The following ADAM22 variants were observed in gnomAD, a reference collection of about 807,000 sequenced individuals.
ADAM22 encodes the protein disintegrin and metalloproteinase domain-containing protein 22.
ADAM22 carries 65 observed loss-of-function variants against 144.6 expected under a neutral mutation model. That is an observed-to-expected ratio of 0.45 (90% CI 0.37 to 0.55). The LOEUF (loss-of-function observed/expected upper bound fraction) is 0.55. Ranked by LOEUF, ADAM22 falls within the 20% of genes least tolerant of loss-of-function variation. The pLI, the probability that ADAM22 is intolerant of heterozygous loss-of-function variation, is 0.00. For synonymous variants in ADAM22, 391 were observed against 412.6 expected (o/e 0.95, Z 0.63); for missense variants, 974 against 1,184.9 (o/e 0.82, Z 2.61).
intron 3 of ADAM22, among the ~76,000 whole-genome samples, chr7:88,069,511 G>A (rs1002446593): frequency 1.3e-5 from 2 of 152,106 alleles, no homozygotes; most frequent in South Asian, 2.1e-4. Flanking sequence ...TTTCCACTTC[G>A]CCATTAGAAG....
At position 88,145,439 on chromosome 7, in the gene ADAM22, T is replaced by G; in HGVS notation, c.1417T>G (p.Cys473Gly). ...GGAATGTGTCCTTGAAGGAGCAGAGTGTTGTAAGAAATGCACCTTGACTCA... is the reference window on the plus strand; with the variant it reads ...GGAATGTGTCCTTGAAGGAGCAGAGGGTTGTAAGAAATGCACCTTGACTCA... The part of the protein sequence containing the change: ...PAECVLEGAE[C>G]CKKCTLTQDS... Residue 473 changes from cysteine (C) to glycine (G), a missense_variant, in exon 17 of 32, where the codon TGT (cysteine) becomes GGT (glycine). Around this residue, in one of 2 missense-constraint regions of ADAM22, gnomAD observed 734 missense variants for 950.6 expected, o/e 0.77. Coordinates refer to ENST00000413139, the MANE Select transcript of ADAM22 (RefSeq NM_001324418.2). The G allele has an allele frequency of 6.2e-7, 1 of 1,613,530 alleles. No homozygotes were observed. The highest frequency in any genetic ancestry group is 1.3e-5 in the African/African-American group (1 of 74,966).
chr7:88,050,643 T>C (rs539125898), intron 3 of ADAM22, among the ~76,000 whole-genome samples: 1 of 152,230 alleles, frequency 6.6e-6, no homozygotes, highest in Non-Finnish European at 1.5e-5. Flanking sequence ...GTCTGTTGGC[T>C]GCATAAATGT....
Position 88,195,812 on chromosome 7 carries a change from C to T in ADAM22, c.2875-659C>T, listed in dbSNP as rs370014786. 3.1e-4 allele frequency among the ~76,000 whole-genome samples: 47 copies of T among 152,254 alleles called. No homozygotes were observed. In the East Asian group the frequency reaches 6.6e-3, roughly 21 times the overall value. On this transcript the variant is annotated intron_variant, in intron 31 of 31. Transcript: ENST00000413139. ...GATTACAGGCGTGAGCCACCACGCC[C>T]GGCTGAGAGAACTATTTTTTAAGGA...
intron 4 of ADAM22, among the ~76,000 whole-genome samples, chr7:88,089,361 T>G (rs1244050716): frequency 1.3e-5 from 2 of 152,206 alleles, no homozygotes; most frequent in African/African-American, 2.4e-5. Flanking sequence ...ATGATGAATC[T>G]TCTGAAGTAG....
chr7:88,060,562 A>G (rs1201699722), intron 3 of ADAM22, among the ~76,000 whole-genome samples: 1 of 148,702 alleles, frequency 6.7e-6, no homozygotes, highest in Non-Finnish European at 1.5e-5. Context: ...CGAGGTTAGG[A>G]GATCGAAACC....
At chr7:88,027,243 G>A (rs1410437757) in intron 3 of ADAM22, among the ~76,000 whole-genome samples, 1 of 152,080 alleles carries the variant, frequency 6.6e-6, no homozygotes, top group Non-Finnish European at 1.5e-5. Context: ...TACTGGCTTT[G>A]TAGAATGAGT....
At position 88,197,295 on chromosome 7, in the gene ADAM22, G is replaced by T. The variant is rs1367093486; in HGVS notation, c.*804G>T. The T allele has an allele frequency of 6.6e-6, 1 of 152,186 alleles. No individual in the cohort carries two copies. Among genetic ancestry groups the T allele is most frequent in the Admixed American group, 6.5e-5 (1 of 15,278 alleles). The allele number at this position is 152,186 out of a possible 1,614,324, so 9.4% of individuals were successfully genotyped here. ...ATGTGTCTCTCCATAATTCGTATTT[G>T]TCCAAAACATGTGATATCCCTTTAA... is the stretch of plus-strand genomic sequence containing the variant. On this transcript the variant is annotated 3_prime_UTR_variant, in exon 32 of 32. Coordinates refer to ENST00000413139, the MANE Select transcript of ADAM22 (RefSeq NM_001324418.2).
chr7:87,952,673 G>C (rs1260748307), intron 2 of ADAM22, among the ~76,000 whole-genome samples: 1 of 152,038 alleles, frequency 6.6e-6, no homozygotes, highest in African/African-American at 2.4e-5. Context: ...AGTTAGGGAG[G>C]ATTCCCTCTT....
intron 26 of ADAM22, among the ~76,000 whole-genome samples, chr7:88,173,518 CT>C: frequency 6.6e-6 from 1 of 152,040 alleles, no homozygotes; most frequent in South Asian, 2.1e-4. Context: ...AATGAGTTTC[CT>C]TTTTGAGAAT....
chr7:87,952,721 C>T (rs1195259181), intron 2 of ADAM22, among the ~76,000 whole-genome samples: 5 of 152,062 alleles, frequency 3.3e-5, no homozygotes, highest in African/African-American at 1.2e-4. Flanking sequence ...GGAATGGTAC[C>T]AGTTCCTCCT....
At chr7:88,148,928 A>ATTTTTTTTTTTTT in intron 17 of ADAM22, 49 bp from the exon 18 acceptor site, 1 of 1,382,524 alleles carries the variant, frequency 7.2e-7, no homozygotes. Context: ...ATATTGTAAG[A>ATTTTTTTTTTTTT]TTTTTTTTTC....
chr7:87,997,622 C>T (rs1017045001), intron 3 of ADAM22, among the ~76,000 whole-genome samples: 1 of 152,248 alleles, frequency 6.6e-6, no homozygotes, highest in Non-Finnish European at 1.5e-5. Context: ...TTGTTGCAGG[C>T]GCTGCCTGCA....
At chr7:88,085,890 T>C (rs992053523) in intron 4 of ADAM22, among the ~76,000 whole-genome samples, 1 of 152,152 alleles carries the variant, frequency 6.6e-6, no homozygotes, top group Non-Finnish European at 1.5e-5. Flanking sequence ...TTAAAAATAA[T>C]TTTTGCCTGG....
chr7:88,184,390 G>T (rs1312686322), intron 29 of ADAM22: 3 of 430,428 alleles, frequency 7.0e-6, no homozygotes, highest in South Asian at 4.9e-5. Context: ...CAGACAGGGA[G>T]TCTGGATCAC....
At chr7:87,980,406 G>GT (rs1397089734) in intron 3 of ADAM22, among the ~76,000 whole-genome samples, 1 of 148,878 alleles carries the variant, frequency 6.7e-6, no homozygotes, top group Non-Finnish European at 1.5e-5. Flanking sequence ...GTAGAATTTT[G>GT]TTTTTCGTGG....
chr7:87,938,363 C>T (rs1238874803), intron 2 of ADAM22, among the ~76,000 whole-genome samples: 1 of 151,778 alleles, frequency 6.6e-6, no homozygotes, highest in African/African-American at 2.4e-5. Flanking sequence ...GGATTACAGG[C>T]ACCCACCACC....
chr7:88,027,263 T>C (rs1468008915), intron 3 of ADAM22, among the ~76,000 whole-genome samples: 1 of 152,328 alleles, frequency 6.6e-6, no homozygotes, highest in East Asian at 1.9e-4. Flanking sequence ...TTTGGAAGCA[T>C]TCCCTCCTCC....
intron 5 of ADAM22, among the ~76,000 whole-genome samples, chr7:88,109,156 T>A (rs1189615852): frequency 6.6e-6 from 1 of 152,130 alleles, no homozygotes; most frequent in African/African-American, 2.4e-5. Context: ...CTTTGCCCCT[T>A]TTTTTCAGCC....
intron 3 of ADAM22, among the ~76,000 whole-genome samples, chr7:87,985,256 T>A (rs1369574736): frequency 6.6e-6 from 1 of 150,632 alleles, no homozygotes; most frequent in East Asian, 1.9e-4. Context: ...GAGCTTGCAG[T>A]GAGCCGAGAT....
Sources: gnomAD v4.1 joint callset for allele counts (sites outside exome capture counted in the v4.1 genomes callset) on GRCh38, gnomAD v4.1.1 for gene constraint, gnomAD v4.1.1 regional missense constraint, MANE v1.5 for transcripts, NCBI Gene and HGNC (gene_info 2026-07-23, HGNC 2026-07-21) for gene names.